The following CYP4V2 variants were observed in gnomAD, a reference collection of about 807,000 sequenced individuals.
CYP4V2 encodes cytochrome P450 4V2.
In CYP4V2, 55 loss-of-function variants were observed where a neutral mutation model predicts 60.8. The ratio of observed to expected loss-of-function variants is 0.90; its 90% CI spans 0.73 to 1.13. The LOEUF is 1.13. Among genes scored for constraint, CYP4V2 ranks in the 50% most tolerant of loss-of-function variants. CYP4V2 has a pLI of 0.00. For missense variants in CYP4V2, 675 were observed against 662.9 expected (o/e 1.02, Z -0.20); for synonymous variants, 239 against 236.8 (o/e 1.01, Z -0.08).
chr4:186,209,525 T>A (rs1282906384), intron 10 of CYP4V2, among the ~76,000 whole-genome samples: 1 of 152,232 alleles, frequency 6.6e-6, no homozygotes, highest in African/African-American at 2.4e-5. Context: ...AGCAGAAATT[T>A]ATTTTCTCAC....
intron 7 of CYP4V2, chr4:186,202,082 C>T (rs1407993356): frequency 6.6e-6 from 1 of 152,274 alleles, no homozygotes; most frequent in African/African-American, 2.4e-5. Context: ...TGGTGTGAGG[C>T]TCCACGACAC....
Position 186,196,537 on chromosome 4 carries a change from T to G in CYP4V2, c.414-403T>G, listed in dbSNP as rs148768967. The G allele has an allele frequency of 8.7e-4, 249 of 287,194 alleles. 1 individual carries two copies. Among genetic ancestry groups the G allele is most frequent in the African/African-American group, 4.8e-3 (221 of 45,762 alleles). 17.8% of individuals were successfully genotyped at this position (287,194 alleles called of 1,614,324 possible). A position where few individuals can be genotyped will look rare whatever the true frequency, so the allele number is the denominator to read the frequency against. ...GCAAGGCAGGAGCCTAGCAGGGACT[T>G]TGGAGAACTGGAGAGGGGAGAGATC... On this transcript the variant is annotated intron_variant, in intron 3 of 10. Coordinates refer to ENST00000378802, the MANE Select transcript of CYP4V2 (RefSeq NM_207352.4).
intron 8 of CYP4V2, among the ~76,000 whole-genome samples, chr4:186,207,820 G>T (rs1736570481): frequency 6.6e-6 from 1 of 152,130 alleles, no homozygotes; most frequent in African/African-American, 2.4e-5. Flanking sequence ...GGCCCTGGAA[G>T]CCTGTGATTT....
intron 1 of CYP4V2, 102 bp downstream of exon 1, chr4:186,192,139 A>C (rs1471146679): frequency 7.0e-7 from 1 of 1,421,964 alleles, no homozygotes. Flanking sequence ...GCCGCAGGAG[A>C]GAGGAGCCTG....
intron 2 of CYP4V2, among the ~76,000 whole-genome samples, 200 bp downstream of exon 2, chr4:186,194,812 T>C (rs747222965): frequency 2.0e-5 from 3 of 152,230 alleles, no homozygotes; most frequent in African/African-American, 4.8e-5. Flanking sequence ...TCTCCAGATA[T>C]AAGTGCACAA....
chr4:186,191,943 C>G lies in CYP4V2; in HGVS notation c.120C>G (p.Tyr40Ter), dbSNP rs1481160549. ...GCCTGCTGCAGAGGGTGGCGAGCTACGCGCGGAAATGGCAGCAGATGCGGC... is the reference window on the plus strand; with the variant it reads ...GCCTGCTGCAGAGGGTGGCGAGCTAGGCGCGGAAATGGCAGCAGATGCGGC... ...VLSLLQRVASYARKWQQMRPI... is the reference protein window; with the variant it reads ...VLSLLQRVAS The change falls in exon 1 of 11, where the codon TAC becomes TAG. Residue 40 changes from tyrosine to a stop codon, truncating the protein, a stop_gained. Transcript: ENST00000378802. LOFTEE classifies it high-confidence loss of function. The G allele has an allele frequency of 3.1e-6, 5 of 1,591,336 alleles. No individual in the cohort carries two copies. Among genetic ancestry groups the G allele is most frequent in the Non-Finnish European group, 4.3e-6 (5 of 1,172,264 alleles).
At chr4:186,209,389 A>G in intron 10 of CYP4V2, 117 bp downstream of exon 10, 1 of 1,303,942 alleles carries the variant, frequency 7.7e-7, no homozygotes, top group Non-Finnish European at 1.1e-6. Flanking sequence ...TTAAAAAAAA[A>G]ATAGGTGGTT....
In CYP4V2 at chr4:186,209,231, A is replaced by T; in HGVS notation, c.1364A>T (p.Tyr455Phe). The T allele has an allele frequency of 6.2e-7, 1 of 1,613,826 alleles. No homozygotes were observed. Among genetic ancestry groups the T allele is most frequent in the Non-Finnish European group, 8.5e-7 (1 of 1,179,962 alleles). Residue 455 changes from tyrosine to phenylalanine, a missense_variant, in exon 10 of 11, where the codon TAT becomes TTT. Transcript: ENST00000378802. Reference protein sequence around the residue: ...FPENAQGRHPYAYVPFSAGPR... With the variant: ...FPENAQGRHPFAYVPFSAGPR... Reference sequence around the variant, plus strand: ...GAGAATGCACAAGGGCGCCATCCATATGCCTACGTGCCCTTCTCTGCTGGC... The same window carrying T: ...GAGAATGCACAAGGGCGCCATCCATTTGCCTACGTGCCCTTCTCTGCTGGC...
chr4:186,205,386 G>T (rs549796254), intron 8 of CYP4V2, 84 bp downstream of exon 8: 2 of 1,337,366 alleles, frequency 1.5e-6, no homozygotes, highest in Non-Finnish European at 2.1e-6. Flanking sequence ...AGTGTAATGA[G>T]CAGGAAGGCT....
Position 186,195,863 on chromosome 4 carries a change from C to G in CYP4V2, c.328-140C>G, listed in dbSNP as rs1736133055. On this transcript the variant is annotated intron_variant, in intron 2 of 10. Transcript: ENST00000378802. This position sits in a 1 kb window ranked among gnomAD's most constrained non-coding sequence, Gnocchi z 4.1. The stretch of plus-strand genomic sequence containing the variant: ...ACTCTAACTGAATGTCTTTGAGGCA[C>G]AGGACTGAAAATGAACGACGGAGAA... 1.5e-6 allele frequency: 1 copy of G among 681,776 alleles called. No individual in the cohort carries two copies. Among genetic ancestry groups the G allele is most frequent in the Admixed American group, 2.1e-5 (1 of 47,070 alleles). 42.2% of individuals were successfully genotyped at this position (681,776 alleles called of 1,614,324 possible).
rs1736133176 is a variant in CYP4V2 at position 186,195,866 on chromosome 4, G to T, written c.328-137G>T. On this transcript the variant is annotated intron_variant, in intron 2 of 10. Coordinates refer to ENST00000378802, the MANE Select transcript of CYP4V2 (RefSeq NM_207352.4). The surrounding 1 kb of genome is among the most constrained non-coding windows in gnomAD (Gnocchi z 4.1). ...CTAACTGAATGTCTTTGAGGCACAG[G>T]ACTGAAAATGAACGACGGAGAAAAT... 2.9e-6 allele frequency: 2 copies of T among 689,594 alleles called. No homozygotes were observed. The highest frequency in any genetic ancestry group is 5.2e-6 in the Non-Finnish European group (2 of 385,156). 42.7% of individuals were successfully genotyped at this position (689,594 alleles called of 1,614,324 possible). A position where few individuals can be genotyped will look rare whatever the true frequency, so the allele number is the denominator to read the frequency against.
chr4:186,204,910 AGCTCACCTCGT>A (rs959830654), intron 7 of CYP4V2: 11 of 459,082 alleles, frequency 2.4e-5, no homozygotes, highest in Non-Finnish European at 3.6e-5. Flanking sequence ...ACAAAGGCGC[AGCTCACCTCGT>A]GCCCATGGAA....
chr4:186,201,223 GC>G lies in CYP4V2; in HGVS notation c.873del (p.Ser292ProfsTer13), dbSNP rs1736296921. The G allele has an allele frequency of 1.2e-6, 2 of 1,614,118 alleles. No homozygotes were observed. Among genetic ancestry groups the G allele is most frequent in the Non-Finnish European group, 1.7e-6 (2 of 1,180,016 alleles). On this transcript the variant is annotated frameshift_variant, in exon 7 of 11. Coordinates refer to ENST00000378802, the MANE Select transcript of CYP4V2 (RefSeq NM_207352.4). LOFTEE classifies it high-confidence loss of function. ...CTGTAGAGGTGATGGCAGGGGCTCT[GC>G]CCCCTCCAAAAATAAACGCAGGGCC... ...EDCRGDGRGSAPSKNKRRAFL... is the reference protein window; with the variant it reads ...EDCRGDGRGSXPSKNKRRAFL...
chr4:186,206,790 T>A (rs774155868), intron 8 of CYP4V2, among the ~76,000 whole-genome samples: 28 of 152,212 alleles, frequency 1.8e-4, no homozygotes, highest in Non-Finnish European at 3.8e-4. Flanking sequence ...AGAGGCAAGC[T>A]TTTATTTTGC....
chr4:186,199,798 A>T (rs1023229468), intron 6 of CYP4V2, among the ~76,000 whole-genome samples: 2 of 152,252 alleles, frequency 1.3e-5, no homozygotes, highest in Non-Finnish European at 2.9e-5. Context: ...ATGTGTTTTG[A>T]AAAAGCAAGA....
At position 186,210,697 on chromosome 4, in the gene CYP4V2, T is replaced by C; in HGVS notation, c.*56T>C. ...GAAAGGTCTTTATTTTAAGAGATCC[T>C]TGTCATTTACAATTTACAGATCATG... On this transcript the variant is annotated 3_prime_UTR_variant, in exon 11 of 11. Coordinates refer to ENST00000378802, the MANE Select transcript of CYP4V2 (RefSeq NM_207352.4). 5.6e-6 allele frequency: 9 copies of C among 1,605,588 alleles called. No individual in the cohort carries two copies. The South Asian group carries it at 8.9e-5, about 16-fold the overall frequency.
At chr4:186,196,144 A>G in intron 3 of CYP4V2, 56 bp downstream of exon 3, 1 of 1,417,282 alleles carries the variant, frequency 7.1e-7, no homozygotes, top group Non-Finnish European at 1.0e-6. Context: ...TCTACGTGCA[A>G]CTTGTTATTT....
In CYP4V2 at chr4:186,195,374, G is replaced by C. The variant is rs1736120738; in HGVS notation, c.328-629G>C. The stretch of plus-strand genomic sequence containing the variant: ...TGTTGGCCTAGTGTTAATAGAAGTT[G>C]GTGTGGTGGATGCAGATGGAGATCT... On this transcript the variant is annotated intron_variant, in intron 2 of 10. Transcript: ENST00000378802. This position sits in a 1 kb window ranked among gnomAD's most constrained non-coding sequence, Gnocchi z 4.1. Among the ~76,000 whole-genome samples the C allele has an allele frequency of 6.6e-6, 1 of 152,176 alleles. No individual in the cohort carries two copies. Among genetic ancestry groups the C allele is most frequent in the Non-Finnish European group, 1.5e-5 (1 of 68,038 alleles).
chr4:186,196,096 A>C lies in CYP4V2; in HGVS notation c.413+8A>C, dbSNP rs1405619834. 1.2e-6 allele frequency: 2 copies of C among 1,605,676 alleles called. No homozygotes were observed. Among genetic ancestry groups the C allele is most frequent in the African/African-American group, 2.7e-5 (2 of 74,756 alleles). On this transcript the variant is annotated splice_region_variant and intron_variant, in intron 3 of 10. Transcript: ENST00000378802. ...CCTAGGACTTCTTACAAGGTATGCC[A>C]GTGTACCTTTGTAAAGCTGTCTATA...
Sources: gnomAD v4.1 joint callset for allele counts (sites outside exome capture counted in the v4.1 genomes callset) on GRCh38, gnomAD v4.1.1 for gene constraint, Gnocchi (gnomAD v3.1) non-coding constraint, MANE v1.5 for transcripts, NCBI Gene and HGNC (gene_info 2026-07-23, HGNC 2026-07-21) for gene names.